The following CDK12 variants were observed in gnomAD, a reference collection of about 807,000 sequenced individuals.
CDK12 encodes the protein cyclin dependent kinase 12.
A neutral mutation model predicts 133.8 loss-of-function variants in CDK12; 17 were observed. The observed-to-expected ratio is 0.13, with a 90% CI of 0.09 to 0.19. The LOEUF is 0.19. CDK12 is among the 10% of genes least tolerant of loss of function. The pLI, the probability that CDK12 is intolerant of heterozygous loss-of-function variation, is 1.00. For synonymous variants in CDK12, 694 were observed against 683.6 expected, an observed-to-expected ratio of 1.02 and a Z score of -0.24; for missense variants, 1,508 against 1,818.7, an observed-to-expected ratio of 0.83 and a Z score of 3.11.
At chr17:39,477,196 G>C (rs1314152436) in intron 2 of CDK12, among the ~76,000 whole-genome samples, 1 of 147,154 alleles carries the variant, frequency 6.8e-6, no homozygotes, top group Non-Finnish European at 1.5e-5. Flanking sequence ...AATTTTTGTA[G>C]TGTTTTTATT....
At chr17:39,493,010 T>A (rs1483431209) in intron 4 of CDK12, 120 bp downstream of exon 4, 1 of 868,764 alleles carries the variant, frequency 1.2e-6, no homozygotes, top group Non-Finnish European at 1.7e-6. Flanking sequence ...TGTTTGTTTG[T>A]TTTTTGAGAT....
At chr17:39,497,404 A>G (rs952025005) in intron 5 of CDK12, among the ~76,000 whole-genome samples, 1 of 151,982 alleles carries the variant, frequency 6.6e-6, no homozygotes, top group African/African-American at 2.4e-5. Flanking sequence ...TTCGCTGGGC[A>G]TGGTGCTGGG....
chr17:39,560,593 A>G (rs1267283158), intron 3 of CDK12, among the ~76,000 whole-genome samples: 1 of 152,212 alleles, frequency 6.6e-6, no homozygotes, highest in African/African-American at 2.4e-5. Context: ...AGGCCTTTCT[A>G]CACTTCACTA....
At chr17:39,547,567 T>C (rs2055773909), upstream of CDK12, among the ~76,000 whole-genome samples, 2 of 152,174 alleles carry the variant, frequency 1.3e-5, no homozygotes, top group South Asian at 4.1e-4. Flanking sequence ...TGAGAATCTG[T>C]CCATACTCAT....
intron 13 of CDK12, chr17:39,529,891 C>T (rs1290293835): frequency 6.6e-6 from 1 of 151,556 alleles, no homozygotes; most frequent in African/African-American, 2.4e-5. Context: ...GAAAAAAATG[C>T]AGTAGTTAGG....
intron 3 of CDK12, among the ~76,000 whole-genome samples, chr17:39,491,297 A>G (rs936326449): frequency 6.6e-6 from 1 of 152,030 alleles, no homozygotes; most frequent in Admixed American, 6.6e-5. Context: ...GGGTGCAGTG[A>G]TGCTATCTCT....
chr17:39,466,732 G>C (rs1471130299), intron 1 of CDK12, among the ~76,000 whole-genome samples: 1 of 148,624 alleles, frequency 6.7e-6, no homozygotes. Flanking sequence ...ACACAATATG[G>C]TAGCGTAGCA....
intron 2 of CDK12, among the ~76,000 whole-genome samples, chr17:39,483,133 G>A (rs1043904575): frequency 6.6e-6 from 1 of 151,420 alleles, no homozygotes; most frequent in African/African-American, 2.4e-5. Flanking sequence ...GGCTGGTCTC[G>A]AACTCCTGTC....
downstream of CDK12, among the ~76,000 whole-genome samples, chr17:39,536,146 C>T (rs1238813967): frequency 6.6e-6 from 1 of 152,152 alleles, no homozygotes; most frequent in Admixed American, 6.5e-5. Context: ...TGGTGGTACT[C>T]CTTACTGTAC....
At chr17:39,511,387 C>G in intron 7 of CDK12, 142 bp from the exon 8 acceptor site, 2 of 573,482 alleles carry the variant, frequency 3.5e-6, no homozygotes, top group South Asian at 4.9e-5. Flanking sequence ...GAACAGTTTG[C>G]TTTTGGAGTG....
intron 1 of CDK12, among the ~76,000 whole-genome samples, chr17:39,467,170 G>C (rs560135682): frequency 3.4e-4 from 51 of 151,924 alleles, no homozygotes; most frequent in African/African-American, 1.2e-3. Context: ...GTAGAGACGG[G>C]GTTTCACCAT....
intron 6 of CDK12, among the ~76,000 whole-genome samples, chr17:39,501,671 G>A (rs2052726759): frequency 6.6e-6 from 1 of 152,072 alleles, no homozygotes; most frequent in Admixed American, 6.6e-5. Context: ...TTGGTGATTG[G>A]CCTTTTCTGC....
At chr17:39,485,119 G>GC (rs2051010722) in intron 2 of CDK12, among the ~76,000 whole-genome samples, 1 of 149,154 alleles carries the variant, frequency 6.7e-6, no homozygotes, top group Non-Finnish European at 1.5e-5. Context: ...GCAGTGAGCT[G>GC]AGATCGCGCC....
At chr17:39,466,693 GGTAAAAATAA>G (rs2049346989) in intron 1 of CDK12, among the ~76,000 whole-genome samples, 1 of 116,752 alleles carries the variant, frequency 8.6e-6, no homozygotes, top group Admixed American at 1.0e-4. Context: ...AGTCAGTAAT[GGTAAAAATAA>G]GTTTAGAAAA....
At chr17:39,481,935 T>A (rs1337082574) in intron 2 of CDK12, among the ~76,000 whole-genome samples, 2 of 151,022 alleles carry the variant, frequency 1.3e-5, no homozygotes, top group African/African-American at 4.9e-5. Flanking sequence ...TTGGCCAGGC[T>A]GGTCTCAAAC....
upstream of CDK12, among the ~76,000 whole-genome samples, chr17:39,544,937 G>T (rs1288325812): frequency 6.6e-6 from 1 of 152,138 alleles, no homozygotes; most frequent in Non-Finnish European, 1.5e-5. Context: ...GCTAACAGGT[G>T]ATCTCAGGGA....
Position 39,476,711 on chromosome 17 carries a change from C to CTTTTTT in CDK12, c.1931+4972_1931+4977dup, listed in dbSNP as rs879840168. Among the ~76,000 whole-genome samples, 26 of 84,524 alleles carry CTTTTTT rather than the reference C, an allele frequency of 3.1e-4. 1 individual carries two copies. Among genetic ancestry groups the CTTTTTT allele is most frequent in the African/African-American group, 8.5e-4 (15 of 17,560 alleles). The allele number at this position is 84,524 out of a possible 152,430, so 55.5% of individuals were successfully genotyped here. On this transcript the variant is annotated intron_variant, in intron 2 of 13. Coordinates refer to ENST00000447079, the MANE Select transcript of CDK12 (RefSeq NM_016507.4). ...TACAGGCATGAGCCACCATGCCTGC[C>CTTTTTT]TTTTTTTTTTTTTTTTTTTTTTTTT...
upstream of CDK12, among the ~76,000 whole-genome samples, chr17:39,547,326 G>T (rs2055761326): frequency 6.6e-6 from 1 of 151,872 alleles, no homozygotes; most frequent in Non-Finnish European, 1.5e-5. Context: ...ATTAGAGATG[G>T]GGTTTCTCCA....
rs587778182 is a variant in CDK12 at position 39,471,411 on chromosome 17, C to T, written c.1579C>T (p.Pro527Ser). 1.9e-6 allele frequency: 3 copies of T among 1,613,848 alleles called. No homozygotes were observed. The highest frequency in any genetic ancestry group is 1.1e-5 in the South Asian group (1 of 91,064). ...ETETSEKETP[P>S]PLPTIASPPP... ...AGAAACATCAGAAAAGGAGACCCCT[C>T]CACCTCTTCCCACAATTGCTTCTCC... The change falls in exon 2 of 14, where the codon CCA becomes TCA. Residue 527 changes from proline to serine, a missense_variant. This residue lies in a region of CDK12 where 347 missense variants were observed against 330.8 expected (regional missense o/e 1.05). Coordinates refer to ENST00000447079, the MANE Select transcript of CDK12 (RefSeq NM_016507.4).
Sources: allele counts gnomAD v4.1 joint callset (sites outside exome capture counted in the v4.1 genomes callset), GRCh38; gene constraint gnomAD v4.1.1; regional missense constraint gnomAD v4.1.1; transcripts MANE v1.5; gene names NCBI Gene and HGNC (gene_info 2026-07-23, HGNC 2026-07-21).